Variants in ALKAL1 observed in about 807,000 individuals in gnomAD.
ALKAL1 encodes ALK and LTK ligand 1.
Under a neutral mutation model 13.5 loss-of-function variants are expected in ALKAL1, and 23 were observed. The ratio of observed to expected loss-of-function variants is 1.70; its 90% CI spans 1.23 to 2.41. The LOEUF (loss-of-function observed/expected upper bound fraction) is 2.41. ALKAL1 is among the 30% of genes most tolerant of loss of function. The pLI is 0.00. For missense variants in ALKAL1, 181 were observed against 178.4 expected (o/e 1.01, Z -0.08); for synonymous variants, 85 against 77.7 (o/e 1.09, Z -0.49).
intron 1 of ALKAL1, among the ~76,000 whole-genome samples, chr8:52,556,718 A>G (rs1847487736): frequency 6.6e-6 from 1 of 151,722 alleles, no homozygotes; most frequent in South Asian, 2.1e-4. Flanking sequence ...ACAGTAACAC[A>G]ACTGAACCAA....
chr8:52,536,736 C>A (rs1478938560), intron 4 of ALKAL1, among the ~76,000 whole-genome samples: 5 of 152,116 alleles, frequency 3.3e-5, no homozygotes, highest in Admixed American at 6.5e-5. Context: ...CATCTAAGTA[C>A]TTTTGTTAAT....
chr8:52,542,466 A>G (rs1171383625), intron 1 of ALKAL1, 21 bp from the exon 2 acceptor site: 7 of 1,402,436 alleles, frequency 5.0e-6, no homozygotes, highest in African/African-American at 1.4e-5. Flanking sequence ...AAAAAAAACC[A>G]TCAGAATTTA....
chr8:52,547,018 A>T (rs903887154), intron 1 of ALKAL1, among the ~76,000 whole-genome samples: 4 of 152,226 alleles, frequency 2.6e-5, no homozygotes, highest in Middle Eastern at 3.2e-3. Context: ...CAGGGAGCAG[A>T]ATTCTGGGGT....
In ALKAL1 at chr8:52,539,816, A is replaced by T. The variant is rs1277858238; in HGVS notation, c.325+15T>A. ...TGGATAATTAAAAAAAAAAAAACCCACCCAAGTTACTTACAAGCTGGCGTT... is the reference window on the plus strand; with the variant it reads ...TGGATAATTAAAAAAAAAAAAACCCTCCCAAGTTACTTACAAGCTGGCGTT... On this transcript the variant is annotated intron_variant, in intron 3 of 4. Transcript: ENST00000358543. 14 of 1,551,350 alleles carry T rather than the reference A, an allele frequency of 9.0e-6. No homozygotes were observed. Among genetic ancestry groups the T allele is most frequent in the African/African-American group, 1.4e-5 (1 of 71,062 alleles).
In ALKAL1 at chr8:52,565,154, C is replaced by T. The variant is rs1847587671; in HGVS notation, c.103G>A (p.Ala35Thr). Reference protein sequence around the residue: ...AHGRPRGRRGARVTDKEPKPL... With the variant: ...AHGRPRGRRGTRVTDKEPKPL... ...TTGGGCTCCTTATCCGTGACGCGCG[C>T]TCCCCTGCGCCCCCGGGGCCTCCCG... Residue 35 changes from alanine to threonine, a missense_variant, in exon 1 of 5, where the codon GCG becomes ACG. Coordinates refer to ENST00000358543, the MANE Select transcript of ALKAL1 (RefSeq NM_207413.4). The T allele has an allele frequency of 3.6e-6, 5 of 1,396,236 alleles. No homozygotes were observed. Among genetic ancestry groups the T allele is most frequent in the Non-Finnish European group, 4.7e-6 (5 of 1,066,520 alleles). 86.5% of individuals were successfully genotyped at this position (1,396,236 alleles called of 1,614,324 possible).
intron 4 of ALKAL1, 26 bp downstream of exon 4, chr8:52,538,405 G>T: frequency 9.1e-6 from 12 of 1,321,434 alleles, no homozygotes; most frequent in Non-Finnish European, 1.3e-5. Context: ...TATTAAACAG[G>T]ATAAGAAAAA....
At chr8:52,540,923 A>G (rs972854523) in intron 2 of ALKAL1, among the ~76,000 whole-genome samples, 3 of 152,050 alleles carry the variant, frequency 2.0e-5, no homozygotes, top group African/African-American at 7.2e-5. Context: ...CCGTTAATAA[A>G]CAGGTAGGGC....
intron 1 of ALKAL1, among the ~76,000 whole-genome samples, chr8:52,546,464 C>T (rs1474776103): frequency 6.6e-6 from 1 of 152,214 alleles, no homozygotes; most frequent in Admixed American, 6.5e-5. Context: ...CTCCTATCAA[C>T]TATTAGTTCT....
At chr8:52,562,433 G>A (rs780597249) in intron 1 of ALKAL1, among the ~76,000 whole-genome samples, 4 of 152,242 alleles carry the variant, frequency 2.6e-5, no homozygotes, top group Non-Finnish European at 5.9e-5. Flanking sequence ...ATGAGAGGAC[G>A]GATACAGGCA....
At chr8:52,548,908 A>C (rs1358663608) in intron 1 of ALKAL1, among the ~76,000 whole-genome samples, 1 of 152,118 alleles carries the variant, frequency 6.6e-6, no homozygotes, top group Non-Finnish European at 1.5e-5. Context: ...TTGGCATACT[A>C]TCTCTTATTC....
In ALKAL1 at chr8:52,545,884, A is replaced by C. The variant is rs115605198; in HGVS notation, c.191-3439T>G. ...ATGTTCTGAGAAATGCATCGTTAGG[A>C]GATTCCTCCATTGTGGGAGCATCAT... On this transcript the variant is annotated intron_variant, in intron 1 of 4. Coordinates refer to ENST00000358543, the MANE Select transcript of ALKAL1 (RefSeq NM_207413.4). Among the ~76,000 whole-genome samples the C allele has an allele frequency of 3.9e-3, 592 of 152,320 alleles. 3 individuals carry two copies. Among genetic ancestry groups the C allele is most frequent in the African/African-American group, 0.014 (565 of 41,560 alleles).
In ALKAL1 at chr8:52,538,580, C is replaced by A; in HGVS notation, c.326-73G>T. 3.2e-6 allele frequency: 3 copies of A among 942,940 alleles called. No individual in the cohort carries two copies. The South Asian group carries it at 4.4e-5, about 14-fold the overall frequency. 58.4% of individuals were successfully genotyped at this position (942,940 alleles called of 1,614,324 possible). The stretch of plus-strand genomic sequence containing the variant: ...GTTGGGGAAATCCTGTTATTATTGT[C>A]ACTAATTCATATAACAATAACTACA... On this transcript the variant is annotated intron_variant, in intron 3 of 4. Transcript: ENST00000358543.
intron 4 of ALKAL1, 34 bp from the exon 5 acceptor site, chr8:52,534,634 G>A: frequency 1.7e-6 from 1 of 575,110 alleles, no homozygotes; most frequent in South Asian, 2.3e-5. Context: ...TATCATTTAT[G>A]ACCTGGTTTT....
At position 52,539,035 on chromosome 8, in the gene ALKAL1, G is replaced by A. The variant is rs573994695; in HGVS notation, c.326-528C>T. On this transcript the variant is annotated intron_variant, in intron 3 of 4. Transcript: ENST00000358543. ...TCAAACGCCTGAGCTCAAGCGATCC[G>A]CTTGCCTCGGCCTCCCAAAGTGCTG... Among the ~76,000 whole-genome samples the A allele has an allele frequency of 2.6e-5, 4 of 152,098 alleles. No individual in the cohort carries two copies. The South Asian group carries it at 6.2e-4, about 24-fold the overall frequency.
At chr8:52,547,533 G>A (rs964624923) in intron 1 of ALKAL1, among the ~76,000 whole-genome samples, 4 of 151,918 alleles carry the variant, frequency 2.6e-5, no homozygotes, top group African/African-American at 9.7e-5. Context: ...AAATAACTAA[G>A]TAAAAAGAAA....
intron 1 of ALKAL1, among the ~76,000 whole-genome samples, chr8:52,548,306 G>A (rs953037079): frequency 1.5e-4 from 23 of 151,632 alleles, no homozygotes; most frequent in East Asian, 1.9e-4. Flanking sequence ...AGCTGAGATC[G>A]TGCACTCCAG....
intron 2 of ALKAL1, among the ~76,000 whole-genome samples, chr8:52,541,235 G>A (rs978510157): frequency 6.6e-6 from 1 of 152,070 alleles, no homozygotes; most frequent in African/African-American, 2.4e-5. Flanking sequence ...CAATGCTTTG[G>A]GAGGCCAAGG....
intron 1 of ALKAL1, among the ~76,000 whole-genome samples, chr8:52,552,351 CCTGG>C (rs1256404845): frequency 6.6e-6 from 1 of 152,130 alleles, no homozygotes; most frequent in African/African-American, 2.4e-5. Context: ...ACCTTGACCT[CCTGG>C]CTGAGTCCCT....
chr8:52,545,349 A>G (rs1050581215), intron 1 of ALKAL1, among the ~76,000 whole-genome samples: 2 of 152,310 alleles, frequency 1.3e-5, no homozygotes, highest in African/African-American at 4.8e-5. Flanking sequence ...ACACAAATGC[A>G]TATGATTGCT....
Sources: allele counts gnomAD v4.1 joint callset (sites outside exome capture counted in the v4.1 genomes callset), GRCh38; gene constraint gnomAD v4.1.1; transcripts MANE v1.5; gene names NCBI Gene and HGNC (gene_info 2026-07-23, HGNC 2026-07-21).